Variants in CNGB3 observed in about 807,000 individuals in gnomAD.
CNGB3 encodes cyclic nucleotide-gated channel beta-3.
CNGB3 carries 86 observed loss-of-function variants against 92.8 expected under a neutral mutation model. The ratio of observed to expected loss-of-function variants is 0.93; its 90% CI spans 0.78 to 1.11. The LOEUF (loss-of-function observed/expected upper bound fraction) is 1.11, where lower values mean the gene tolerates loss of function less well. Ranked by LOEUF, CNGB3 falls within the 50% of genes least tolerant of loss-of-function variation. The pLI, the probability that CNGB3 is intolerant of heterozygous loss-of-function variation, is 0.00. For missense variants in CNGB3, 1,026 were observed against 956.8 expected (o/e 1.07, Z -0.95); for synonymous variants, 333 against 332.7 (o/e 1.00, Z -0.01).
rs1209952765 is a variant in CNGB3 at position 86,604,191 on chromosome 8, C to T, written c.1683G>A (p.Met561Ile). Residue 561 changes from methionine to isoleucine, a missense_variant, in exon 15 of 18, where the codon ATG becomes ATA. Met to Ile is a conservative substitution (Grantham distance 10). Coordinates refer to ENST00000320005, the MANE Select transcript of CNGB3 (RefSeq NM_019098.5). Reference sequence around the variant, plus strand: ...GGACTTCTCCATGCTTGATGATATACATTTCCTTGCCAATTTCTCCCTACA... The same window carrying T: ...GGACTTCTCCATGCTTGATGATATATATTTCCTTGCCAATTTCTCCCTACA... ...VCKKGEIGKE[M>I]YIIKHGEVQV... 48 of 1,611,494 alleles carry T rather than the reference C, an allele frequency of 3.0e-5. No homozygotes were observed. Among genetic ancestry groups the T allele is most frequent in the Non-Finnish European group, 4.0e-5 (47 of 1,177,738 alleles).
At chr8:86,659,517 C>G in intron 6 of CNGB3, 1 of 606,034 alleles carries the variant, frequency 1.7e-6, no homozygotes, top group Non-Finnish European at 3.1e-6. Context: ...CATATAACTC[C>G]AGCCTGAGGG....
intron 15 of CNGB3, 52 bp downstream of exon 15, chr8:86,604,041 T>C: frequency 8.1e-7 from 1 of 1,232,358 alleles, no homozygotes; most frequent in Non-Finnish European, 1.2e-6. Flanking sequence ...CTAAGACTTT[T>C]CTTTTATGAC....
chr8:86,736,019 C>T (rs1825246624), intron 2 of CNGB3, among the ~76,000 whole-genome samples: 1 of 151,814 alleles, frequency 6.6e-6, no homozygotes, highest in Admixed American at 6.6e-5. Context: ...GAAATAGATG[C>T]CTAAGGAAGA....
At chr8:86,741,743 A>G (rs1240781837) in intron 1 of CNGB3, among the ~76,000 whole-genome samples, 1 of 152,202 alleles carries the variant, frequency 6.6e-6, no homozygotes, top group African/African-American at 2.4e-5. Context: ...GGCTGTTGGA[A>G]TGGCATGGGA....
chr8:86,591,108 A>G (rs1357258084), intron 15 of CNGB3, among the ~76,000 whole-genome samples: 3 of 151,438 alleles, frequency 2.0e-5, no homozygotes, highest in Non-Finnish European at 4.4e-5. Context: ...CATTGCTGAT[A>G]CCCTTTCTTC....
At chr8:86,578,286 A>G (rs963653782) in intron 17 of CNGB3, among the ~76,000 whole-genome samples, 3 of 152,152 alleles carry the variant, frequency 2.0e-5, no homozygotes, top group South Asian at 4.1e-4. Context: ...CTGAAAATGT[A>G]TGCATCAAGC....
chr8:86,574,761 GC>G lies in CNGB3; in HGVS notation c.*1042del, dbSNP rs2131527774. 6.6e-6 allele frequency: 1 copy of G among 152,286 alleles called. No homozygotes were observed. The highest frequency in any genetic ancestry group is 2.4e-5 in the African/African-American group (1 of 41,554). The allele number at this position is 152,286 out of a possible 1,614,324, so 9.4% of individuals were successfully genotyped here. ...GGCCTTTGTAGCCTCCTCACAGCAT[GC>G]AACGTCGGTAATTATGCTAATGCTA... On this transcript the variant is annotated 3_prime_UTR_variant, in exon 18 of 18. Coordinates refer to ENST00000320005, the MANE Select transcript of CNGB3 (RefSeq NM_019098.5).
At position 86,640,402 on chromosome 8, in the gene CNGB3, A is replaced by G. The variant is rs564471806; in HGVS notation, c.1178+3349T>C. Among the ~76,000 whole-genome samples the G allele has an allele frequency of 5.3e-5, 8 of 152,236 alleles. No individual in the cohort carries two copies. In the East Asian group the frequency reaches 1.5e-3, roughly 29 times the overall value. ...TCACCAAACTGAAACTAAGTTGTTT[A>G]TCTGCCATTCCAAGAAATCAGGAGA... On this transcript the variant is annotated intron_variant, in intron 10 of 17. Coordinates refer to ENST00000320005, the MANE Select transcript of CNGB3 (RefSeq NM_019098.5).
At chr8:86,676,984 T>A (rs1823984199) in intron 3 of CNGB3, among the ~76,000 whole-genome samples, 3 of 152,106 alleles carry the variant, frequency 2.0e-5, no homozygotes, top group African/African-American at 4.8e-5. Context: ...ACAGTATGAA[T>A]TTTTTTTAAA....
At chr8:86,630,442 G>A (rs1244351424) in intron 11 of CNGB3, among the ~76,000 whole-genome samples, 1 of 152,202 alleles carries the variant, frequency 6.6e-6, no homozygotes, top group Non-Finnish European at 1.5e-5. Context: ...GTTGGGTTTT[G>A]TTGTTGCAGG....
rs9657017 is a variant in CNGB3 at position 86,582,568 on chromosome 8, C to T, written c.1782-3316G>A. ...CAACTGCAGAAAACCAAAGACAAAA[C>T]CTTGAAAGAATCCAGAGGGGGGAAG... On this transcript the variant is annotated intron_variant, in intron 15 of 17. Transcript: ENST00000320005. Among the ~76,000 whole-genome samples the T allele has an allele frequency of 4.5e-3, 684 of 152,158 alleles. 9 individuals carry two copies. Among genetic ancestry groups the T allele is most frequent in the African/African-American group, 0.016 (654 of 41,512 alleles).
intron 13 of CNGB3, among the ~76,000 whole-genome samples, chr8:86,622,146 G>T (rs1358465677): frequency 6.6e-6 from 1 of 152,188 alleles, no homozygotes; most frequent in Non-Finnish European, 1.5e-5. Context: ...GTATTCCGTG[G>T]TATATTGGTG....
chr8:86,594,559 A>G (rs1443382174), intron 15 of CNGB3: 2 of 329,534 alleles, frequency 6.1e-6, no homozygotes, highest in Admixed American at 7.7e-5. Context: ...AGACCAGGGA[A>G]GGGTCTGGGT....
chr8:86,633,745 T>C (rs1351598156), intron 10 of CNGB3, among the ~76,000 whole-genome samples: 3 of 152,222 alleles, frequency 2.0e-5, no homozygotes, highest in East Asian at 1.9e-4. Context: ...GGGAATATTA[T>C]AGAGATCAAA....
At chr8:86,615,250 A>G (rs1208428780) in intron 13 of CNGB3, among the ~76,000 whole-genome samples, 1 of 152,150 alleles carries the variant, frequency 6.6e-6, no homozygotes, top group African/African-American at 2.4e-5. Flanking sequence ...CGTACTGTCA[A>G]TCTATGGGCA....
chr8:86,652,104 G>A (rs189499319), intron 7 of CNGB3, among the ~76,000 whole-genome samples: 68 of 152,052 alleles, frequency 4.5e-4, no homozygotes, highest in African/African-American at 1.6e-3. Context: ...GTATGTTACT[G>A]TACAGCATGT....
At chr8:86,651,212 C>G (rs1044017227) in intron 7 of CNGB3, among the ~76,000 whole-genome samples, 4 of 151,582 alleles carry the variant, frequency 2.6e-5, no homozygotes, top group Non-Finnish European at 5.9e-5. Context: ...ACAATGTACA[C>G]TACTCTGGTG....
intron 15 of CNGB3, among the ~76,000 whole-genome samples, chr8:86,585,305 G>A (rs1220544990): frequency 6.6e-6 from 1 of 151,820 alleles, no homozygotes; most frequent in Non-Finnish European, 1.5e-5. Context: ...ATATACATTT[G>A]TGTGTATGTA....
chr8:86,638,411 G>C (rs1823115694), intron 10 of CNGB3, among the ~76,000 whole-genome samples: 1 of 151,992 alleles, frequency 6.6e-6, no homozygotes, highest in African/African-American at 2.4e-5. Flanking sequence ...ACTTGGTATT[G>C]TCAGTCTTTT....
Sources: allele counts gnomAD v4.1 joint callset (sites outside exome capture counted in the v4.1 genomes callset), GRCh38; gene constraint gnomAD v4.1.1; transcripts MANE v1.5; gene names NCBI Gene and HGNC (gene_info 2026-07-23, HGNC 2026-07-21).